The following RBFOX1 variants were observed in gnomAD, a reference collection of about 807,000 sequenced individuals.
RBFOX1 encodes RNA binding fox-1 homolog 1.
In RBFOX1, 8 loss-of-function variants were observed where a neutral mutation model predicts 57.7. That is an observed-to-expected ratio of 0.14 (90% CI 0.08 to 0.25). The LOEUF (loss-of-function observed/expected upper bound fraction) is 0.25. Ranked by LOEUF, RBFOX1 falls within the 10% of genes least tolerant of loss-of-function variation. RBFOX1 has a pLI of 1.00. For missense variants in RBFOX1, 611 were observed against 548.5 expected (o/e 1.11, Z -1.14); for synonymous variants, 326 against 222.4 (o/e 1.47, Z -4.15).
chr16:6,580,929 T>C (rs1600512931), intron 2 of RBFOX1, among the ~76,000 whole-genome samples: 1 of 149,822 alleles, frequency 6.7e-6, no homozygotes, highest in South Asian at 2.2e-4. Flanking sequence ...TTTTTTGCCC[T>C]TTTTTTCCCC....
At chr16:6,603,205 C>T (rs733411) in intron 2 of RBFOX1, among the ~76,000 whole-genome samples, 1 of 151,998 alleles carries the variant, frequency 6.6e-6, no homozygotes, top group African/African-American at 2.4e-5. Context: ...ATTGACCCAG[C>T]TTACTTGTCT....
At chr16:6,027,023 C>A (rs1428050651) in intron 1 of RBFOX1, among the ~76,000 whole-genome samples, 1 of 152,236 alleles carries the variant, frequency 6.6e-6, no homozygotes, top group African/African-American at 2.4e-5. Context: ...AATGGATGAA[C>A]TTGTGCAATC....
At chr16:5,535,625 G>A (rs114306021) in intron 2 of RBFOX1, among the ~76,000 whole-genome samples, 3 of 152,152 alleles carry the variant, frequency 2.0e-5, no homozygotes, top group African/African-American at 7.2e-5. Flanking sequence ...TTTAGTGAAA[G>A]GTAGCCTGTG....
chr16:7,110,178 C>G (rs1320344473), intron 4 of RBFOX1, among the ~76,000 whole-genome samples: 1 of 127,588 alleles, frequency 7.8e-6, no homozygotes, highest in East Asian at 2.4e-4. Flanking sequence ...AGCGAGACCC[C>G]CCGTGTCTCA....
chr16:7,368,709 G>A (rs1012380612), intron 4 of RBFOX1, among the ~76,000 whole-genome samples: 2 of 151,316 alleles, frequency 1.3e-5, no homozygotes, highest in Non-Finnish European at 2.9e-5. Flanking sequence ...GAACCTGGGA[G>A]ACAGAGCTTG....
chr16:7,475,249 A>G (rs375509576), intron 4 of RBFOX1, among the ~76,000 whole-genome samples: 1 of 151,744 alleles, frequency 6.6e-6, no homozygotes, highest in Non-Finnish European at 1.5e-5. Context: ...TCTGTTTTCA[A>G]CACTCCTTCA....
intron 1 of RBFOX1, among the ~76,000 whole-genome samples, chr16:5,430,492 G>A (rs562035077): frequency 5.9e-5 from 9 of 152,292 alleles, no homozygotes; most frequent in South Asian, 2.1e-4. Context: ...CCTGGGAGGC[G>A]TTGGGGTTGG....
At chr16:6,510,672 G>T (rs1007246327) in intron 2 of RBFOX1, among the ~76,000 whole-genome samples, 1 of 152,078 alleles carries the variant, frequency 6.6e-6, no homozygotes, top group Non-Finnish European at 1.5e-5. Context: ...AACACAGTTG[G>T]TTACTCTACT....
At chr16:5,909,742 G>A (rs1205439968) in intron 4 of RBFOX1, among the ~76,000 whole-genome samples, 1 of 152,160 alleles carries the variant, frequency 6.6e-6, no homozygotes, top group Non-Finnish European at 1.5e-5. Context: ...CTGGTAAGAT[G>A]TCAGAGCACT....
At chr16:5,828,506 T>C (rs7192363) in intron 3 of RBFOX1, among the ~76,000 whole-genome samples, 73,837 of 151,874 alleles carry the variant, frequency 0.49, 18,349 homozygotes, top group East Asian at 0.63. Flanking sequence ...AAGACCATCC[T>C]GACCAACATG....
At chr16:6,679,994 G>T (rs1049309576) in intron 3 of RBFOX1, among the ~76,000 whole-genome samples, 1 of 149,246 alleles carries the variant, frequency 6.7e-6, no homozygotes, top group Admixed American at 6.7e-5. Context: ...AGACAGGATG[G>T]TTGAAATTTA....
chr16:7,528,001 T>A (rs2079081449), intron 5 of RBFOX1, among the ~76,000 whole-genome samples: 2 of 152,246 alleles, frequency 1.3e-5, no homozygotes, highest in Admixed American at 6.5e-5. Flanking sequence ...CAATCACTCA[T>A]GTTTTAGTAC....
chr16:6,539,371 A>C (rs975630507), intron 2 of RBFOX1, among the ~76,000 whole-genome samples: 1 of 152,222 alleles, frequency 6.6e-6, no homozygotes, highest in African/African-American at 2.4e-5. Flanking sequence ...GAAAGCATTT[A>C]GCGTAGCATC....
At position 5,727,549 on chromosome 16, in the gene RBFOX1, G is replaced by A. The variant is rs1184503152; in HGVS notation, c.318+128588G>A. Among the ~76,000 whole-genome samples the A allele has an allele frequency of 2.0e-5, 3 of 152,078 alleles. No homozygotes were observed. In the East Asian group the frequency reaches 5.8e-4, roughly 29 times the overall value. ...ATGTACAATACAGTGCTATTATGTA[G>A]AGTCACCATGATGTATATCCGGTCT... On this transcript the variant is annotated intron_variant, in intron 3 of 19. Coordinates refer to the RBFOX1 transcript ENST00000641259.
At chr16:7,301,373 A>G (rs551597267) in intron 4 of RBFOX1, among the ~76,000 whole-genome samples, 2 of 152,164 alleles carry the variant, frequency 1.3e-5, no homozygotes, top group African/African-American at 2.4e-5. Context: ...CCCGACTCCA[A>G]ATAATTTTGA....
intron 1 of RBFOX1, among the ~76,000 whole-genome samples, chr16:5,406,096 C>T (rs1299949609): frequency 1.3e-5 from 2 of 152,156 alleles, no homozygotes; most frequent in African/African-American, 4.8e-5. Context: ...TATTTGAAAT[C>T]TGATTATTCT....
intron 4 of RBFOX1, among the ~76,000 whole-genome samples, chr16:7,458,676 A>T (rs892503536): frequency 3.3e-5 from 5 of 151,738 alleles, no homozygotes; most frequent in Admixed American, 2.0e-4. Flanking sequence ...CTAGAATGCA[A>T]TTTTTTTCAA....
intron 2 of RBFOX1, among the ~76,000 whole-genome samples, chr16:5,557,489 G>C (rs932326309): frequency 4.6e-5 from 7 of 152,046 alleles, no homozygotes; most frequent in African/African-American, 1.7e-4. Context: ...GAAACAGGTG[G>C]GGTGCTTGCG....
In RBFOX1 at chr16:7,709,083, C is replaced by T; in HGVS notation, c.1023C>T (p.Pro341=). 1.2e-5 allele frequency: 19 copies of T among 1,613,696 alleles called. No homozygotes were observed. The highest frequency in any genetic ancestry group is 1.5e-5 in the Non-Finnish European group (18 of 1,179,804). ...ACGGACGAGTTTATGCTGCCGACCC[C>T]TACCACCACGCACTTGCTCCAGCCC... ...DSYGRVYAAD[P]YHHALAPAPT... Residue 341 remains proline, a synonymous_variant, in exon 15 of 16, where the codon CCC becomes CCT. Coordinates refer to ENST00000550418, the MANE Select transcript of RBFOX1 (RefSeq NM_018723.4).
Sources: allele counts gnomAD v4.1 joint callset (sites outside exome capture counted in the v4.1 genomes callset), GRCh38; gene constraint gnomAD v4.1.1; transcripts MANE v1.5; gene names NCBI Gene and HGNC (gene_info 2026-07-23, HGNC 2026-07-21).